The following SPON1 variants were observed in gnomAD, a reference collection of about 807,000 sequenced individuals.
SPON1 encodes the protein spondin 1, also known as spondin-1.
In SPON1, 52 loss-of-function variants were observed where a neutral mutation model predicts 111.7. The observed-to-expected ratio is 0.47, with a 90% confidence interval of 0.37 to 0.59. SPON1 has a LOEUF of 0.59. SPON1 is among the 20% of genes least tolerant of loss of function. The pLI is 0.00. For missense variants in SPON1, 957 were observed against 1,068.5 expected (o/e 0.90, Z 1.46); for synonymous variants, 410 against 395.8 (o/e 1.04, Z -0.43).
At chr11:14,051,213 C>T (rs782187010) in intron 3 of SPON1, among the ~76,000 whole-genome samples, 1 of 152,090 alleles carries the variant, frequency 6.6e-6, no homozygotes, top group Non-Finnish European at 1.5e-5. Flanking sequence ...GGGTGAAGCC[C>T]TCAAAAATGG....
chr11:14,088,689 T>C (rs1236558587), intron 5 of SPON1, among the ~76,000 whole-genome samples: 1 of 152,186 alleles, frequency 6.6e-6, no homozygotes, highest in Non-Finnish European at 1.5e-5. Flanking sequence ...TCTTGCTAGA[T>C]TGGGGAAGTT....
At chr11:14,174,204 A>G (rs1554932844) in intron 6 of SPON1, among the ~76,000 whole-genome samples, 1 of 152,220 alleles carries the variant, frequency 6.6e-6, no homozygotes, top group Non-Finnish European at 1.5e-5. Flanking sequence ...TCAGCATTTC[A>G]TTGCAAGGCA....
At chr11:14,262,146 A>C (rs1345824040) in intron 14 of SPON1, among the ~76,000 whole-genome samples, 1 of 152,220 alleles carries the variant, frequency 6.6e-6, no homozygotes, top group Non-Finnish European at 1.5e-5. Flanking sequence ...TCTCTACTGA[A>C]TGTCCCATTT....
chr11:14,078,264 C>T (rs1250068150), intron 4 of SPON1, among the ~76,000 whole-genome samples: 1 of 152,098 alleles, frequency 6.6e-6, no homozygotes, highest in Non-Finnish European at 1.5e-5. Context: ...TTATGCATTC[C>T]TTTGAACCCT....
chr11:14,175,413 T>C (rs1451957208), intron 6 of SPON1, among the ~76,000 whole-genome samples: 1 of 152,164 alleles, frequency 6.6e-6, no homozygotes, highest in African/African-American at 2.4e-5. Flanking sequence ...CAGGGACCCA[T>C]AGCAAAGTTT....
chr11:14,139,709 A>AATATATATATATATATAT (rs57464043), intron 6 of SPON1, among the ~76,000 whole-genome samples: 8 of 145,406 alleles, frequency 5.5e-5, no homozygotes, highest in African/African-American at 2.1e-4. Context: ...AAACATGTAA[A>AATATATATATATATATAT]ATATATATAT....
rs1177963234 is a variant in SPON1 at position 14,059,484 on chromosome 11, T to C, written c.480-15861T>C. The stretch of plus-strand genomic sequence containing the variant: ...CCACTACCCCCTCAGGGCTCAATTA[T>C]TTATTGGACAAATATTTAGTGAGCA... On this transcript the variant is annotated intron_variant, in intron 3 of 15. Coordinates refer to ENST00000576479, the MANE Select transcript of SPON1 (RefSeq NM_006108.4). 5.3e-5 allele frequency among the ~76,000 whole-genome samples: 8 copies of C among 151,908 alleles called. No homozygotes were observed. The East Asian group carries it at 1.2e-3, about 22-fold the overall frequency.
chr11:13,968,327 C>T (rs1848035083), intron 1 of SPON1, among the ~76,000 whole-genome samples: 1 of 152,172 alleles, frequency 6.6e-6, no homozygotes, highest in Non-Finnish European at 1.5e-5. Flanking sequence ...GAACCAGGCT[C>T]CTTCTACCTT....
intron 3 of SPON1, among the ~76,000 whole-genome samples, chr11:14,053,103 A>G (rs1848719783): frequency 6.6e-6 from 1 of 152,240 alleles, no homozygotes; most frequent in Non-Finnish European, 1.5e-5. Flanking sequence ...GTTGGGATCA[A>G]AACGGAATGT....
At chr11:14,071,512 C>T (rs1490857252) in intron 3 of SPON1, among the ~76,000 whole-genome samples, 1 of 152,180 alleles carries the variant, frequency 6.6e-6, no homozygotes, top group East Asian at 1.9e-4. Context: ...ACCCACTAGA[C>T]TGCCCACCAT....
intron 2 of SPON1, among the ~76,000 whole-genome samples, chr11:13,995,080 G>A (rs1355975767): frequency 6.6e-6 from 1 of 152,026 alleles, no homozygotes; most frequent in Non-Finnish European, 1.5e-5. Context: ...AGGATTATTT[G>A]TTTAATATTA....
rs545384058 is a variant in SPON1 at position 14,076,812 on chromosome 11, G to A, written c.553+1394G>A. 1.4e-4 allele frequency among the ~76,000 whole-genome samples: 22 copies of A among 152,272 alleles called. No homozygotes were observed. The East Asian group carries it at 4.2e-3, about 29-fold the overall frequency. On this transcript the variant is annotated intron_variant, in intron 4 of 15. Coordinates refer to ENST00000576479, the MANE Select transcript of SPON1 (RefSeq NM_006108.4). ...AGAGAGAGTTGGATACCTTGCATTA[G>A]GATCATACCTCCCAGAGGGGCTGGA...
chr11:14,200,189 C>G (rs931139875), intron 6 of SPON1, among the ~76,000 whole-genome samples: 9 of 152,152 alleles, frequency 5.9e-5, no homozygotes, highest in Non-Finnish European at 1.3e-4. Flanking sequence ...TCATGCTTAT[C>G]TGTAATTAAT....
intron 2 of SPON1, among the ~76,000 whole-genome samples, chr11:14,019,491 T>C (rs1554914598): frequency 6.6e-6 from 1 of 151,860 alleles, no homozygotes; most frequent in Non-Finnish European, 1.5e-5. Flanking sequence ...TATTAATTAT[T>C]ATCATTATAT....
intron 6 of SPON1, among the ~76,000 whole-genome samples, chr11:14,153,456 G>A (rs1554930095): frequency 5.3e-5 from 8 of 151,998 alleles, no homozygotes; most frequent in Non-Finnish European, 1.0e-4. Context: ...GAGCAGGGAG[G>A]GCCACACACT....
chr11:14,260,780 T>C (rs1554941839), intron 14 of SPON1, 28 bp downstream of exon 14: 2 of 1,604,918 alleles, frequency 1.2e-6, no homozygotes, highest in South Asian at 2.2e-5. Flanking sequence ...TCAAGGCCCA[T>C]CACTTCTATG....
intron 2 of SPON1, among the ~76,000 whole-genome samples, chr11:14,010,640 A>G (rs1848396864): frequency 1.3e-5 from 2 of 152,216 alleles, no homozygotes; most frequent in Admixed American, 1.3e-4. Flanking sequence ...CATAGGGAAC[A>G]CCACACCACT....
chr11:14,172,361 C>A (rs1848114786), intron 6 of SPON1, among the ~76,000 whole-genome samples: 1 of 151,830 alleles, frequency 6.6e-6, no homozygotes, highest in Admixed American at 6.6e-5. Context: ...CTTCCTCCAT[C>A]CCTTTATTTT....
intron 6 of SPON1, among the ~76,000 whole-genome samples, chr11:14,242,823 G>C (rs576129349): frequency 2.6e-5 from 4 of 152,216 alleles, no homozygotes; most frequent in Non-Finnish European, 5.9e-5. Flanking sequence ...CCTTGGCTTT[G>C]TGCTGGCCTC....
Sources: gnomAD v4.1 joint callset for allele counts (sites outside exome capture counted in the v4.1 genomes callset) on GRCh38, gnomAD v4.1.1 for gene constraint, MANE v1.5 for transcripts, NCBI Gene and HGNC (gene_info 2026-07-23, HGNC 2026-07-21) for gene names.